The following DSC1 variants were observed in gnomAD, a reference collection of about 807,000 sequenced individuals.
DSC1 encodes desmocollin 1, also known as desmocollin-1.
Under a neutral mutation model 98.8 loss-of-function variants are expected in DSC1, and 79 were observed. That is an observed-to-expected ratio of 0.80 (90% CI 0.67 to 0.96). The LOEUF (loss-of-function observed/expected upper bound fraction) is 0.96. Ranked by LOEUF, DSC1 falls within the 50% of genes least tolerant of loss-of-function variation. DSC1 has a pLI of 0.00. For missense variants in DSC1, 1,115 were observed against 1,075.9 expected (o/e 1.04, Z -0.51); for synonymous variants, 405 against 372.1 (o/e 1.09, Z -1.02).
At chr18:31,136,508 T>C (rs563160379) in intron 11 of DSC1, among the ~76,000 whole-genome samples, 1 of 152,260 alleles carries the variant, frequency 6.6e-6, no homozygotes, top group East Asian at 1.9e-4. Flanking sequence ...AGCATGTTGA[T>C]AAAAACAGAT....
chr18:31,148,029 G>T (rs1009393807), intron 6 of DSC1, among the ~76,000 whole-genome samples: 5 of 152,034 alleles, frequency 3.3e-5, no homozygotes, highest in African/African-American at 7.2e-5. Flanking sequence ...ATGATCCCTG[G>T]CCCACGTGTA....
chr18:31,148,926 A>C (rs1047651527), intron 5 of DSC1, among the ~76,000 whole-genome samples: 2 of 152,172 alleles, frequency 1.3e-5, no homozygotes, highest in Non-Finnish European at 2.9e-5. Flanking sequence ...GTTAGAATGC[A>C]TGTAGATTTT....
intron 8 of DSC1, among the ~76,000 whole-genome samples, chr18:31,142,627 A>G (rs544853503): frequency 6.6e-6 from 1 of 152,274 alleles, no homozygotes; most frequent in Non-Finnish European, 1.5e-5. Context: ...CAGTGTTTCC[A>G]AATGTACTTT....
intron 11 of DSC1, among the ~76,000 whole-genome samples, chr18:31,135,184 A>G (rs1988584358): frequency 6.6e-6 from 1 of 151,994 alleles, no homozygotes; most frequent in South Asian, 2.1e-4. Context: ...TTTTTCCCAA[A>G]CCTTGAAAAC....
At position 31,141,998 on chromosome 18, in the gene DSC1, C is replaced by G; in HGVS notation, c.1260+1G>C. 1 of 1,594,878 alleles carries G rather than the reference C, an allele frequency of 6.3e-7. No individual in the cohort carries two copies. The highest frequency in any genetic ancestry group is 8.5e-7 in the Non-Finnish European group (1 of 1,175,122). On this transcript the variant is annotated splice_donor_variant, in intron 9 of 15. Coordinates refer to ENST00000257198, the MANE Select transcript of DSC1 (RefSeq NM_024421.2). LOFTEE classifies it high-confidence loss of function. ...ATAGCCTGATTATTTTATTTGTTTA[C>G]CTTGACAACACACAGCACTCCTTCA... is the stretch of plus-strand genomic sequence containing the variant.
At position 31,143,661 on chromosome 18, in the gene DSC1, G is replaced by C. The variant is rs769757635; in HGVS notation, c.1070C>G (p.Thr357Ser). 1 of 1,574,136 alleles carries C rather than the reference G, an allele frequency of 6.4e-7. No individual in the cohort carries two copies. Among genetic ancestry groups the C allele is most frequent in the Non-Finnish European group, 8.6e-7 (1 of 1,160,634 alleles). ...ENDNPPSFTETSYVTEVEENR... is the reference protein window; with the variant it reads ...ENDNPPSFTESSYVTEVEENR... ...TGAATAGAGAGGTATACTCACAGAA[G>C]TTTCTGTGAAAGATGGTGGATTGTC... Residue 357 changes from threonine to serine, a missense_variant, in exon 8 of 16, where the codon ACT (threonine) becomes AGT (serine). Transcript: ENST00000257198.
intron 11 of DSC1, among the ~76,000 whole-genome samples, chr18:31,138,148 C>G (rs982837338): frequency 6.6e-6 from 1 of 151,994 alleles, no homozygotes; most frequent in Non-Finnish European, 1.5e-5. Context: ...TTAAAGTTTG[C>G]TTTTTATTTT....
intron 14 of DSC1, 196 bp from the exon 15 acceptor site, chr18:31,132,038 T>A: frequency 1.6e-6 from 1 of 624,042 alleles, no homozygotes; most frequent in East Asian, 2.8e-5. Context: ...TAACCCTCAG[T>A]AACTCAGAAT....
chr18:31,162,660 G>T lies in DSC1; in HGVS notation c.-66C>A. 2 of 1,451,570 alleles carry T rather than the reference G, an allele frequency of 1.4e-6. No individual in the cohort carries two copies. Among genetic ancestry groups the T allele is most frequent in the Non-Finnish European group, 1.9e-6 (2 of 1,034,510 alleles). The allele number at this position is 1,451,570 out of a possible 1,614,324, so 89.9% of individuals were successfully genotyped here. On this transcript the variant is annotated 5_prime_UTR_variant, in exon 1 of 16. Coordinates refer to ENST00000257198, the MANE Select transcript of DSC1 (RefSeq NM_024421.2). ...AGGGCAGCCTGGGATGCACAGAGCG[G>T]CTAAGAAGACGCTGGCACTTGCACA...
chr18:31,136,414 A>C (rs1988610585), intron 11 of DSC1, among the ~76,000 whole-genome samples: 1 of 152,248 alleles, frequency 6.6e-6, no homozygotes, highest in African/African-American at 2.4e-5. Context: ...TAATTATAGT[A>C]ACGCAAATCA....
At chr18:31,154,963 T>A (rs578082098) in intron 4 of DSC1, 34 bp from the exon 5 acceptor site, 2 of 1,604,008 alleles carry the variant, frequency 1.2e-6, no homozygotes, top group Admixed American at 1.7e-5. Context: ...AACAAATACG[T>A]CATGATGAAT....
At chr18:31,152,114 A>G (rs952346753) in intron 5 of DSC1, among the ~76,000 whole-genome samples, 2 of 152,042 alleles carry the variant, frequency 1.3e-5, no homozygotes, top group African/African-American at 4.8e-5. Context: ...GTGAGCCGAG[A>G]TCGGATTACT....
Position 31,131,772 on chromosome 18 carries a change from C to T in DSC1, c.2309G>A (p.Gly770Asp). 6.2e-7 allele frequency: 1 copy of T among 1,614,050 alleles called. No individual in the cohort carries two copies. The highest frequency in any genetic ancestry group is 1.7e-4 in the Middle Eastern group (1 of 6,052). The change falls in exon 15 of 16, where the codon GGT becomes GAT. Residue 770 changes from glycine to aspartate, a missense_variant. By Grantham distance (94) the Gly-to-Asp change is moderately conservative (BLOSUM62 -1). Transcript: ENST00000257198. ...TTGCTGTGTTTTGATTCCCTGGCCA[C>T]CAACAGTACCAACAGACATGCTTGT... ...CDTSMSVGTV[G>D]GQGIKTQQSF...
Position 31,131,816 on chromosome 18 carries a change from C to T in DSC1, c.2265G>A (p.Gln755=). ...TGCTTGTGTCACAAATGTTGGATGT[C>T]TGCATGGGGAGTCTAATATTTGCTT... The part of the protein sequence containing the change: ...VTEANIRLPM[Q]TSNICDTSMS... Residue 755 remains glutamine, a synonymous_variant, in exon 15 of 16, where the codon CAG becomes CAA. Coordinates refer to ENST00000257198, the MANE Select transcript of DSC1 (RefSeq NM_024421.2). The T allele has an allele frequency of 6.2e-7, 1 of 1,614,030 alleles. No homozygotes were observed. Among genetic ancestry groups the T allele is most frequent in the Non-Finnish European group, 8.5e-7 (1 of 1,179,964 alleles).
Position 31,130,596 on chromosome 18 carries a change from C to T in DSC1, c.2603G>A (p.Arg868Gln), listed in dbSNP as rs1173352297. The T allele has an allele frequency of 1.2e-6, 2 of 1,614,104 alleles. No homozygotes were observed. Among genetic ancestry groups the T allele is most frequent in the Non-Finnish European group, 8.5e-7 (1 of 1,180,034 alleles). The part of the protein sequence containing the change: ...LAGSVGCCSD[R>Q]QEEEGLEFLD... ...AAACTCCAGTCCCTCTTCTTCCTGC[C>T]GATCGCTGCAGCAACCTACTGAGCC... is the stretch of plus-strand genomic sequence containing the variant. The change falls in exon 16 of 16, where the codon CGG becomes CAG. Residue 868 changes from arginine to glutamine, a missense_variant. By Grantham distance (43) the Arg-to-Gln change is conservative. Transcript: ENST00000257198.
In DSC1 at chr18:31,157,550, A is replaced by G; in HGVS notation, c.172T>C (p.Ser58Pro). The G allele has an allele frequency of 6.2e-7, 1 of 1,614,212 alleles. No homozygotes were observed. The highest frequency in any genetic ancestry group is 8.5e-7 in the Non-Finnish European group (1 of 1,180,028). The change falls in exon 3 of 16, where the codon TCG becomes CCG. Residue 58 changes from serine to proline, a missense_variant. Coordinates refer to ENST00000257198, the MANE Select transcript of DSC1 (RefSeq NM_024421.2). ...GKVNLEECLK[S>P]ASLIRSSDPA... Reference sequence around the variant, plus strand: ...TCACTGGACCGGATTAGGCTGGCCGACTTGAGACACTCCTCCAGATTCACT... The same window carrying G: ...TCACTGGACCGGATTAGGCTGGCCGGCTTGAGACACTCCTCCAGATTCACT...
Position 31,130,315 on chromosome 18 carries a change from C to T in DSC1, c.*199G>A. The T allele has an allele frequency of 1.6e-6, 1 of 630,190 alleles. No individual in the cohort carries two copies. Among genetic ancestry groups the T allele is most frequent in the Non-Finnish European group, 2.7e-6 (1 of 370,998 alleles). 39.0% of individuals were successfully genotyped at this position (630,190 alleles called of 1,614,324 possible). A position where few individuals can be genotyped will look rare whatever the true frequency, so the allele number is the denominator to read the frequency against. Reference sequence around the variant, plus strand: ...ATGCATATAAAAGAGAATTAACAAACAAAACCTTGATTTCTAGAGAACATG... The same window carrying T: ...ATGCATATAAAAGAGAATTAACAAATAAAACCTTGATTTCTAGAGAACATG... On this transcript the variant is annotated 3_prime_UTR_variant, in exon 16 of 16. Transcript: ENST00000257198.
intron 1 of DSC1, among the ~76,000 whole-genome samples, chr18:31,162,209 C>T (rs1441169059): frequency 6.6e-6 from 1 of 152,118 alleles, no homozygotes; most frequent in Non-Finnish European, 1.5e-5. Flanking sequence ...AGAAGTAAAC[C>T]TCAGAAACTT....
chr18:31,152,160 T>C (rs552510854), intron 5 of DSC1, among the ~76,000 whole-genome samples: 2 of 138,624 alleles, frequency 1.4e-5, no homozygotes, highest in East Asian at 5.7e-4. Context: ...ACACCCTATA[T>C]CAAAAAAACA....
Sources: gnomAD v4.1 joint callset for allele counts (sites outside exome capture counted in the v4.1 genomes callset) on GRCh38, gnomAD v4.1.1 for gene constraint, MANE v1.5 for transcripts, NCBI Gene and HGNC (gene_info 2026-07-23, HGNC 2026-07-21) for gene names.